The following MYH11 variants were observed in gnomAD, a reference collection of about 807,000 sequenced individuals.
The protein encoded by MYH11 is myosin-11.
MYH11 carries 80 observed loss-of-function variants against 246.6 expected under a neutral mutation model. The ratio of observed to expected loss-of-function variants is 0.32; its 90% CI spans 0.27 to 0.39. The LOEUF (loss-of-function observed/expected upper bound fraction) is 0.39, where lower values mean the gene tolerates loss of function less well. Ranked by LOEUF, MYH11 falls within the 10% of genes least tolerant of loss-of-function variation. The pLI is 1.00. For missense variants in MYH11, 2,158 were observed against 2,546.8 expected (o/e 0.85, Z 3.29); for synonymous variants, 1,071 against 1,015.5 (o/e 1.05, Z -1.04).
At chr16:15,821,313 T>G (rs2043404550) in intron 3 of MYH11, among the ~76,000 whole-genome samples, 2 of 152,200 alleles carry the variant, frequency 1.3e-5, no homozygotes, top group Non-Finnish European at 2.9e-5. Context: ...TAGTAAAAAT[T>G]TCCTTCATTT....
In MYH11 at chr16:15,849,530, C is replaced by T. The variant is rs115003766; in HGVS notation, c.-18+7411G>A. Among the ~76,000 whole-genome samples, 679 of 152,264 alleles carry T rather than the reference C, an allele frequency of 4.5e-3. 6 individuals are homozygous for T. The highest frequency in any genetic ancestry group is 0.015 in the African/African-American group (627 of 41,542). ...GATCTCTGCTTTCTGCAAACTCTGC[C>T]TCCCAGGCTCAAGCCATTCTCCCAC... On this transcript the variant is annotated intron_variant, in intron 1 of 40. Transcript: ENST00000300036.
intron 28 of MYH11, among the ~76,000 whole-genome samples, chr16:15,726,507 A>T (rs1567703542): frequency 1.3e-5 from 2 of 151,744 alleles, no homozygotes; most frequent in African/African-American, 4.8e-5. Flanking sequence ...AGTAGATGGG[A>T]CTACAGGTGC....
chr16:15,725,162 CAAAAA>C (rs886051749), intron 28 of MYH11, 170 bp from the exon 29 acceptor site: 1 of 636,384 alleles, frequency 1.6e-6, no homozygotes, highest in Non-Finnish European at 2.7e-6. Flanking sequence ...CACACACACA[CAAAAA>C]AAACAGAATC....
chr16:15,750,201 C>T lies in MYH11; in HGVS notation c.1995G>A (p.Met665Ile). The change falls in exon 16 of 41, where the codon ATG (methionine) becomes ATA (isoleucine). Residue 665 changes from methionine (M) to isoleucine (I), a missense_variant. Around this residue, in one of 11 missense-constraint regions of MYH11, gnomAD observed 317 missense variants for 507.7 expected, o/e 0.62. Coordinates refer to ENST00000300036, the MANE Select transcript of MYH11 (RefSeq NM_002474.3). This position sits in a 1 kb window ranked among gnomAD's most constrained non-coding sequence, Gnocchi z 4.3. The part of the protein sequence containing the change: ...QLYKEQLGKL[M>I]TTLRNTTPNF... ...TGGGCGTGGTGTTGCGTAGCGTGGTCATCAGCTTGCCCAGCTGCTCCTTGT... is the reference window on the plus strand; with the variant it reads ...TGGGCGTGGTGTTGCGTAGCGTGGTTATCAGCTTGCCCAGCTGCTCCTTGT... The T allele has an allele frequency of 5.0e-6, 8 of 1,614,228 alleles. No individual in the cohort carries two copies. The highest frequency in any genetic ancestry group is 6.8e-6 in the Non-Finnish European group (8 of 1,180,052).
chr16:15,820,869 T>C (rs1416403167), intron 3 of MYH11, among the ~76,000 whole-genome samples: 1 of 152,146 alleles, frequency 6.6e-6, no homozygotes, highest in African/African-American at 2.4e-5. Flanking sequence ...TTTGCAATGT[T>C]GGTTTTCTTT....
At chr16:15,853,677 G>T (rs1359148624) in intron 1 of MYH11, among the ~76,000 whole-genome samples, 1 of 152,160 alleles carries the variant, frequency 6.6e-6, no homozygotes, top group East Asian at 1.9e-4. Context: ...GGTCAGGAGT[G>T]GAAGGAGAAG....
intron 3 of MYH11, among the ~76,000 whole-genome samples, chr16:15,801,458 C>G (rs2042883141): frequency 6.6e-6 from 1 of 151,992 alleles, no homozygotes; most frequent in South Asian, 2.1e-4. Context: ...GAGTTCCAGA[C>G]CAGCCTGGAC....
intron 23 of MYH11, among the ~76,000 whole-genome samples, chr16:15,738,934 C>T (rs983395972): frequency 6.6e-6 from 1 of 152,184 alleles, no homozygotes; most frequent in Non-Finnish European, 1.5e-5. Context: ...TCCATTCCTG[C>T]CACTGGCCAG....
intron 1 of MYH11, among the ~76,000 whole-genome samples, chr16:15,856,330 G>T (rs2044468800): frequency 8.6e-6 from 1 of 116,188 alleles, no homozygotes; most frequent in African/African-American, 3.0e-5. Context: ...CCCCTAAACT[G>T]ATTAAAAAAA....
intron 3 of MYH11, among the ~76,000 whole-genome samples, chr16:15,806,754 C>G (rs531283655): frequency 9.2e-6 from 1 of 108,404 alleles, no homozygotes; most frequent in East Asian, 2.6e-4. Flanking sequence ...TTCCCCTGAA[C>G]CAATGAGCTC....
In MYH11 at chr16:15,854,807, T is replaced by C. The variant is rs780486266; in HGVS notation, c.-18+2134A>G. On this transcript the variant is annotated intron_variant, in intron 1 of 40. Transcript: ENST00000300036. ...GACCCACCTGTTTGGATTCAAGACC[T>C]GTGGAAAGGAGACAATTCCCTCCCA... 1.1e-4 allele frequency among the ~76,000 whole-genome samples: 17 copies of C among 152,084 alleles called. 1 individual carries two copies. The highest frequency in any genetic ancestry group is 3.9e-4 in the East Asian group (2 of 5,184).
intron 1 of MYH11, among the ~76,000 whole-genome samples, chr16:15,853,415 T>C (rs1412808979): frequency 1.3e-5 from 2 of 152,014 alleles, no homozygotes; most frequent in African/African-American, 4.8e-5. Context: ...GCCTCCCAAA[T>C]TGCTGGGATT....
chr16:15,751,304 C>A (rs1449956392), intron 15 of MYH11, among the ~76,000 whole-genome samples: 1 of 152,030 alleles, frequency 6.6e-6, no homozygotes, highest in African/African-American at 2.4e-5. Flanking sequence ...GGATTACAGG[C>A]ATGCGCCACC....
intron 10 of MYH11, 55 bp downstream of exon 10, chr16:15,763,741 T>TGGGGGGGGGCCCCCCCC: frequency 3.1e-6 from 2 of 646,860 alleles, no homozygotes; most frequent in Non-Finnish European, 5.8e-6. Context: ...AAATGTCACC[T>TGGGGGGGGGCCCCCCCC]CCCCCACCCC....
At chr16:15,845,433 C>G (rs2044162000) in intron 1 of MYH11, among the ~76,000 whole-genome samples, 1 of 152,034 alleles carries the variant, frequency 6.6e-6, no homozygotes, top group Non-Finnish European at 1.5e-5. Context: ...ACACCAAGTA[C>G]CTTCTGTTTC....
intron 6 of MYH11, among the ~76,000 whole-genome samples, chr16:15,780,248 C>A (rs1356840195): frequency 1.3e-5 from 2 of 151,312 alleles, no homozygotes; most frequent in Non-Finnish European, 1.5e-5. Flanking sequence ...TCGGTGGAAG[C>A]CATTATTTGG....
At chr16:15,774,638 G>C (rs551667999) in intron 8 of MYH11, among the ~76,000 whole-genome samples, 7 of 152,316 alleles carry the variant, frequency 4.6e-5, no homozygotes, top group African/African-American at 1.7e-4. Context: ...CGCCTAGGCT[G>C]GAGTGCAGTG....
intron 4 of MYH11, among the ~76,000 whole-genome samples, chr16:15,787,822 A>C (rs2042507291): frequency 6.6e-6 from 1 of 151,936 alleles, no homozygotes; most frequent in Non-Finnish European, 1.5e-5. Context: ...AAGTTTAAGA[A>C]GCTCCCTTAT....
chr16:15,851,389 C>T (rs531533134), intron 1 of MYH11, among the ~76,000 whole-genome samples: 6 of 152,228 alleles, frequency 3.9e-5, no homozygotes, highest in South Asian at 2.1e-4. Context: ...GTCTCCTAAG[C>T]GCTCTGTAAG....
Sources: gnomAD v4.1 joint callset for allele counts (sites outside exome capture counted in the v4.1 genomes callset) on GRCh38, gnomAD v4.1.1 for gene constraint, gnomAD v4.1.1 regional missense constraint, Gnocchi (gnomAD v3.1) non-coding constraint, MANE v1.5 for transcripts, NCBI Gene and HGNC (gene_info 2026-07-23, HGNC 2026-07-21) for gene names.